Variants in PAM observed in about 807,000 individuals in gnomAD.
PAM encodes the protein peptidyl-glycine alpha-amidating monooxygenase.
Under a neutral mutation model 122.1 loss-of-function variants are expected in PAM, and 72 were observed. The ratio of observed to expected loss-of-function variants is 0.59; its 90% confidence interval spans 0.49 to 0.72. PAM has a LOEUF of 0.72. Among genes scored for constraint, PAM ranks in the 30% least tolerant of loss-of-function variants. PAM has a pLI of 0.00. For synonymous variants in PAM, 389 were observed against 404.4 expected (o/e 0.96, Z 0.46); for missense variants, 1,106 against 1,183.7 (o/e 0.93, Z 0.96).
intron 1 of PAM, among the ~76,000 whole-genome samples, chr5:102,834,769 G>A (rs1176888850): frequency 1.3e-5 from 2 of 152,116 alleles, no homozygotes; most frequent in Non-Finnish European, 1.5e-5. Context: ...GGAAGGGAAG[G>A]GTGGAGGGAA....
chr5:102,974,023 GA>G (rs1479014891), intron 14 of PAM, 92 bp from the exon 15 acceptor site: 2 of 769,980 alleles, frequency 2.6e-6, no homozygotes, highest in African/African-American at 3.5e-5. Context: ...TTTATTATGA[GA>G]AATGAGTAGA....
chr5:102,799,521 T>G (rs1001043283), intron 1 of PAM, among the ~76,000 whole-genome samples: 22 of 152,212 alleles, frequency 1.4e-4, no homozygotes, highest in Admixed American at 3.3e-4. Flanking sequence ...GGCAAATAAG[T>G]TATTCTATTT....
chr5:102,802,896 T>C (rs1291103792), intron 1 of PAM, among the ~76,000 whole-genome samples: 2 of 152,054 alleles, frequency 1.3e-5, no homozygotes, highest in African/African-American at 2.4e-5. Context: ...AATGAGGAAG[T>C]GATGTTTAGG....
At chr5:102,948,662 T>C (rs947533705) in intron 9 of PAM, among the ~76,000 whole-genome samples, 1 of 152,154 alleles carries the variant, frequency 6.6e-6, no homozygotes. Context: ...ATGCTAGGAA[T>C]TGAGGCCCTT....
intron 1 of PAM, among the ~76,000 whole-genome samples, chr5:102,846,494 C>G (rs190277612): frequency 4.7e-4 from 72 of 152,282 alleles, no homozygotes; most frequent in African/African-American, 1.7e-3. Flanking sequence ...CCACTGCCAC[C>G]TGGTAAACAC....
rs111391103 is a variant in PAM, at chr5:102,762,217, T to C, written c.-374+6869T>C. Among the ~76,000 whole-genome samples, 1,176 of 152,332 alleles carry C rather than the reference T, an allele frequency of 7.7e-3. 6 individuals are homozygous for C. The highest frequency in any genetic ancestry group is 0.027 in the African/African-American group (1,124 of 41,560). Reference sequence around the variant, plus strand: ...GTGCTTTCATTTTTCCTTTCTCTTTTATTTGCCACAGTTCTTACCTGTGCT... The same window carrying C: ...GTGCTTTCATTTTTCCTTTCTCTTTCATTTGCCACAGTTCTTACCTGTGCT... On this transcript the variant is annotated intron_variant, in intron 1 of 25. Coordinates refer to ENST00000438793, the MANE Select transcript of PAM (RefSeq NM_001177306.2).
At chr5:102,862,833 C>T (rs752440977) in intron 1 of PAM, among the ~76,000 whole-genome samples, 3 of 152,122 alleles carry the variant, frequency 2.0e-5, no homozygotes, top group Non-Finnish European at 4.4e-5. Flanking sequence ...TTTCACACAG[C>T]TAATAAATAG....
chr5:102,983,768 A>G (rs1770764859), intron 15 of PAM, among the ~76,000 whole-genome samples: 5 of 152,174 alleles, frequency 3.3e-5, no homozygotes, highest in Admixed American at 3.3e-4. Context: ...AACAGAGACT[A>G]AATTCTAAAA....
At chr5:102,959,643 T>A (rs1280209184) in intron 12 of PAM, among the ~76,000 whole-genome samples, 2 of 152,056 alleles carry the variant, frequency 1.3e-5, no homozygotes, top group African/African-American at 4.8e-5. Context: ...TATTTAGTAG[T>A]GTTCATGGTG....
chr5:102,754,813 C>T, upstream of PAM: 1 of 152,376 alleles, frequency 6.6e-6, no homozygotes, highest in Non-Finnish European at 1.5e-5. Flanking sequence ...GGGCAGCTGG[C>T]GTGGCCACCT....
intron 1 of PAM, among the ~76,000 whole-genome samples, chr5:102,787,985 A>G (rs1325342660): frequency 6.6e-6 from 1 of 152,140 alleles, no homozygotes; most frequent in Non-Finnish European, 1.5e-5. Context: ...GAACTAAAAT[A>G]GTATCATATC....
At chr5:102,781,795 G>A (rs948360995) in intron 1 of PAM, among the ~76,000 whole-genome samples, 1 of 152,150 alleles carries the variant, frequency 6.6e-6, no homozygotes, top group Non-Finnish European at 1.5e-5. Flanking sequence ...TAATACTAAT[G>A]TAATAACAAC....
intron 15 of PAM, among the ~76,000 whole-genome samples, chr5:102,977,337 A>G (rs369502292): frequency 6.6e-6 from 1 of 152,170 alleles, no homozygotes; most frequent in African/African-American, 2.4e-5. Flanking sequence ...TACATGAAGA[A>G]GACAATAGAA....
chr5:102,778,534 C>T (rs943923761), intron 1 of PAM, among the ~76,000 whole-genome samples: 1 of 152,054 alleles, frequency 6.6e-6, no homozygotes, highest in Non-Finnish European at 1.5e-5. Context: ...AAAAACTAGA[C>T]CCCATATGAT....
chr5:102,941,834 A>C (rs1394668147), intron 7 of PAM, among the ~76,000 whole-genome samples: 2 of 24,626 alleles, frequency 8.1e-5, no homozygotes, highest in East Asian at 5.9e-4. Flanking sequence ...CAGATGGTAC[A>C]AAAAAAAAAA....
At chr5:102,973,733 A>C (rs2150435085) in intron 14 of PAM, among the ~76,000 whole-genome samples, 1 of 152,280 alleles carries the variant, frequency 6.6e-6, no homozygotes, top group African/African-American at 2.4e-5. Flanking sequence ...ACAACTGCAA[A>C]GAGTTTCTTG....
At chr5:103,027,798 T>TA (rs1347048522) in intron 24 of PAM, among the ~76,000 whole-genome samples, 3 of 152,134 alleles carry the variant, frequency 2.0e-5, no homozygotes, top group South Asian at 4.1e-4. Context: ...ATTTCCTGAT[T>TA]AAAAAAATAG....
chr5:102,863,141 A>G (rs1305287329), intron 1 of PAM, among the ~76,000 whole-genome samples: 1 of 151,958 alleles, frequency 6.6e-6, no homozygotes, highest in Non-Finnish European at 1.5e-5. Flanking sequence ...TATAGGTTAT[A>G]AATCATTCTT....
At chr5:102,839,548 A>C (rs1238032483) in intron 1 of PAM, among the ~76,000 whole-genome samples, 1 of 151,894 alleles carries the variant, frequency 6.6e-6, no homozygotes, top group Non-Finnish European at 1.5e-5. Flanking sequence ...AAAAAAAAAA[A>C]AAAAAAAAAT....
Sources: gnomAD v4.1 joint callset for allele counts (sites outside exome capture counted in the v4.1 genomes callset) on GRCh38, gnomAD v4.1.1 for gene constraint, MANE v1.5 for transcripts, NCBI Gene and HGNC (gene_info 2026-07-23, HGNC 2026-07-21) for gene names.